The following PTGIS variants were observed in gnomAD, a reference collection of about 807,000 sequenced individuals.
PTGIS encodes prostacyclin synthase.
PTGIS carries 45 observed loss-of-function variants against 50.3 expected under a neutral mutation model. That is an observed-to-expected ratio of 0.90 (90% confidence interval 0.70 to 1.15). The LOEUF (loss-of-function observed/expected upper bound fraction) is 1.15, where lower values mean the gene tolerates loss of function less well. Among genes scored for constraint, PTGIS ranks in the 50% most tolerant of loss-of-function variants. PTGIS has a pLI of 0.00. For synonymous variants in PTGIS, 260 were observed against 267.7 expected (o/e 0.97, Z 0.28); for missense variants, 668 against 661.3 (o/e 1.01, Z -0.11).
intron 1 of PTGIS, among the ~76,000 whole-genome samples, chr20:49,557,829 A>C (rs537979950): frequency 1.6e-4 from 25 of 152,144 alleles, no homozygotes; most frequent in Non-Finnish European, 2.9e-4. Flanking sequence ...TACATCATTG[A>C]CTATCGCCCT....
At position 49,513,292 on chromosome 20, in the gene PTGIS, C is replaced by A. The variant is rs1233291485; in HGVS notation, c.1025-31G>T. 3.7e-6 allele frequency: 6 copies of A among 1,604,162 alleles called. No individual in the cohort carries two copies. The African/African-American group carries it at 4.0e-5, about 11-fold the overall frequency. ...TGGGGCAGGTGCAAGGAAGAGTCAG[C>A]GGGCTATCCCTTCACCTGCTCATAT... On this transcript the variant is annotated intron_variant, in intron 7 of 9. Transcript: ENST00000244043.
At chr20:49,555,997 T>C (rs1982615735) in intron 1 of PTGIS, among the ~76,000 whole-genome samples, 2 of 152,232 alleles carry the variant, frequency 1.3e-5, no homozygotes, top group African/African-American at 4.8e-5. Flanking sequence ...TAACAGGAGA[T>C]TGAAATAATC....
In PTGIS at chr20:49,540,779, G is replaced by T. The variant is rs775914718; in HGVS notation, c.522-1058C>A. Among the ~76,000 whole-genome samples the T allele has an allele frequency of 6.6e-6, 1 of 152,140 alleles. No homozygotes were observed. The highest frequency in any genetic ancestry group is 1.5e-5 in the Non-Finnish European group (1 of 68,012). On this transcript the variant is annotated intron_variant, in intron 4 of 9. Transcript: ENST00000244043. This position sits in a 1 kb window ranked among gnomAD's most constrained non-coding sequence, Gnocchi z 4.8. The stretch of plus-strand genomic sequence containing the variant: ...GCCCAGCGGGCTGACCTCAGTCCTG[G>T]GAGGGAAACTGCAGGCTTTCATTTT...
chr20:49,535,793 G>A (rs1982053447), intron 5 of PTGIS, among the ~76,000 whole-genome samples: 2 of 152,234 alleles, frequency 1.3e-5, no homozygotes, highest in Admixed American at 1.3e-4. Context: ...TAAGATTACA[G>A]GCATGAGCCA....
At chr20:49,557,927 A>C (rs1321711685) in intron 1 of PTGIS, among the ~76,000 whole-genome samples, 1 of 152,100 alleles carries the variant, frequency 6.6e-6, no homozygotes, top group Non-Finnish European at 1.5e-5. Flanking sequence ...TAAGTATTGA[A>C]ACCCTCAAAG....
chr20:49,541,179 C>T (rs1180203518), intron 4 of PTGIS, among the ~76,000 whole-genome samples: 1 of 152,202 alleles, frequency 6.6e-6, no homozygotes, highest in Non-Finnish European at 1.5e-5. Flanking sequence ...TCCTGCTCAT[C>T]TCATCTTGAA....
rs185197127 is a variant in PTGIS, at chr20:49,565,629, A to G, written c.74+2414T>C. Reference sequence around the variant, plus strand: ...CCAGTAAGCTATAATTGTACACTGCACTCCAGCCTGGGCCACAGTGTGAGA... The same window carrying G: ...CCAGTAAGCTATAATTGTACACTGCGCTCCAGCCTGGGCCACAGTGTGAGA... On this transcript the variant is annotated intron_variant, in intron 1 of 9. Coordinates refer to ENST00000244043, the MANE Select transcript of PTGIS (RefSeq NM_000961.4). 2.6e-5 allele frequency among the ~76,000 whole-genome samples: 4 copies of G among 152,226 alleles called. No homozygotes were observed. The East Asian group carries it at 7.7e-4, about 29-fold the overall frequency.
Position 49,513,275 on chromosome 20 carries a change from G to C in PTGIS, c.1025-14C>G. The C allele has an allele frequency of 6.2e-7, 1 of 1,612,072 alleles. No homozygotes were observed. Among genetic ancestry groups the C allele is most frequent in the Non-Finnish European group, 8.5e-7 (1 of 1,179,610 alleles). On this transcript the variant is annotated splice_polypyrimidine_tract_variant and intron_variant, in intron 7 of 9. Coordinates refer to ENST00000244043, the MANE Select transcript of PTGIS (RefSeq NM_000961.4). ...TCAGCACGCTATCTGCATGGGGCAG[G>C]TGCAAGGAAGAGTCAGCGGGCTATC...
intron 5 of PTGIS, among the ~76,000 whole-genome samples, chr20:49,526,203 G>T (rs543413432): frequency 6.6e-6 from 1 of 152,332 alleles, no homozygotes; most frequent in African/African-American, 2.4e-5. Context: ...GCATCCAGAG[G>T]TTTAGGCCTG....
At chr20:49,560,200 G>T (rs750734307) in intron 1 of PTGIS, among the ~76,000 whole-genome samples, 32 of 152,134 alleles carry the variant, frequency 2.1e-4, no homozygotes, top group Non-Finnish European at 4.1e-4. Flanking sequence ...GGGATTACAG[G>T]CGTGAGCCAC....
intron 1 of PTGIS, among the ~76,000 whole-genome samples, chr20:49,561,002 G>A (rs1021819900): frequency 6.6e-6 from 1 of 152,164 alleles, no homozygotes; most frequent in Non-Finnish European, 1.5e-5. Flanking sequence ...GAACTACCGT[G>A]ACCCCCCCAG....
chr20:49,513,483 A>G (rs1385486802), intron 7 of PTGIS, among the ~76,000 whole-genome samples: 1 of 152,072 alleles, frequency 6.6e-6, no homozygotes, highest in East Asian at 1.9e-4. Flanking sequence ...TCTGACCCCA[A>G]GAGAAGTTGT....
chr20:49,542,864 G>C (rs1254211468), intron 4 of PTGIS, among the ~76,000 whole-genome samples: 6 of 152,148 alleles, frequency 3.9e-5, no homozygotes, highest in Admixed American at 3.9e-4. Context: ...AGGCTCTCCA[G>C]GTCTCAGTTT....
At chr20:49,562,870 C>T (rs1278132045) in intron 1 of PTGIS, among the ~76,000 whole-genome samples, 2 of 152,192 alleles carry the variant, frequency 1.3e-5, no homozygotes, top group African/African-American at 4.8e-5. Flanking sequence ...TGACGTATCG[C>T]ATCTTCACTA....
intron 5 of PTGIS, among the ~76,000 whole-genome samples, chr20:49,530,978 C>T (rs1043161816): frequency 3.3e-5 from 5 of 152,102 alleles, no homozygotes; most frequent in Admixed American, 3.3e-4. Context: ...CCAGGATGGT[C>T]TCGATCTCTT....
Position 49,507,404 on chromosome 20 carries a change from T to C in PTGIS, c.*516A>G, listed in dbSNP as rs2122831038. 1 of 214,026 alleles carries C rather than the reference T, an allele frequency of 4.7e-6. No homozygotes were observed. The highest frequency in any genetic ancestry group is 8.0e-5 in the South Asian group (1 of 12,504). 13.3% of individuals were successfully genotyped at this position (214,026 alleles called of 1,614,324 possible). On this transcript the variant is annotated 3_prime_UTR_variant, in exon 10 of 10. Coordinates refer to ENST00000244043, the MANE Select transcript of PTGIS (RefSeq NM_000961.4). ...AATGGGGCCCCAGGGAAGCAGATCTTCTAAGGGACTCCTTTGGTTTTAGCT... is the reference window on the plus strand; with the variant it reads ...AATGGGGCCCCAGGGAAGCAGATCTCCTAAGGGACTCCTTTGGTTTTAGCT...
intron 1 of PTGIS, among the ~76,000 whole-genome samples, chr20:49,552,609 A>G (rs1982540224): frequency 6.6e-6 from 1 of 152,034 alleles, no homozygotes; most frequent in African/African-American, 2.4e-5. Flanking sequence ...TTAGTATGCA[A>G]GTTTGGCTGA....
chr20:49,511,700 C>G (rs1981324748), intron 8 of PTGIS, among the ~76,000 whole-genome samples: 1 of 152,120 alleles, frequency 6.6e-6, no homozygotes, highest in Admixed American at 6.5e-5. Flanking sequence ...TTACACTGCA[C>G]AGTGGTAAGG....
intron 4 of PTGIS, among the ~76,000 whole-genome samples, chr20:49,541,860 A>T (rs755821827): frequency 3.3e-5 from 5 of 152,214 alleles, no homozygotes; most frequent in Non-Finnish European, 7.3e-5. Flanking sequence ...GGCTGAAGAC[A>T]GGATAATCCC....
Sources: gnomAD v4.1 joint callset for allele counts (sites outside exome capture counted in the v4.1 genomes callset) on GRCh38, gnomAD v4.1.1 for gene constraint, Gnocchi (gnomAD v3.1) non-coding constraint, MANE v1.5 for transcripts, NCBI Gene and HGNC (gene_info 2026-07-23, HGNC 2026-07-21) for gene names.